OTUD7A: variants seen among roughly 807,000 people sequenced by gnomAD.
OTUD7A encodes the protein OTU deubiquitinase 7A, also known as OTU domain-containing protein 7A.
In OTUD7A, 12 loss-of-function variants were observed where a neutral mutation model predicts 65.7. The ratio of observed to expected loss-of-function variants is 0.18; its 90% confidence interval spans 0.12 to 0.30. The LOEUF is 0.30. Ranked by LOEUF, OTUD7A falls within the 10% of genes least tolerant of loss-of-function variation. OTUD7A has a pLI of 1.00. For synonymous variants in OTUD7A, 641 were observed against 586.3 expected, an observed-to-expected ratio of 1.09 and a Z score of -1.35; for missense variants, 1,148 against 1,304.8, an observed-to-expected ratio of 0.88 and a Z score of 1.85.
chr15:31,484,874 C>T lies in OTUD7A; in HGVS notation c.1372-150G>A. 4 of 1,391,748 alleles carry T rather than the reference C, an allele frequency of 2.9e-6. No homozygotes were observed. The highest frequency in any genetic ancestry group is 1.5e-5 in the South Asian group (1 of 68,098). The allele number at this position is 1,391,748 out of a possible 1,614,324, so 86.2% of individuals were successfully genotyped here. On this transcript the variant is annotated intron_variant, in intron 12 of 12. Coordinates refer to ENST00000307050, the MANE Select transcript of OTUD7A (RefSeq NM_001382637.1). This position sits in a 1 kb window ranked among gnomAD's most constrained non-coding sequence, Gnocchi z 4.5. ...CCCACTGTCGCTCTGGTGACTGTGACATCCGGATGGGCGGTGCTGAAGGAG... is the reference window on the plus strand; with the variant it reads ...CCCACTGTCGCTCTGGTGACTGTGATATCCGGATGGGCGGTGCTGAAGGAG...
At chr15:31,771,481 T>C (rs1895233506) in intron 1 of OTUD7A, among the ~76,000 whole-genome samples, 2 of 152,228 alleles carry the variant, frequency 1.3e-5, no homozygotes, top group Admixed American at 1.3e-4. Flanking sequence ...GATTCCTTTC[T>C]CTTCCTTGCA....
intron 8 of OTUD7A, among the ~76,000 whole-genome samples, chr15:31,507,222 T>C (rs886836391): frequency 6.6e-6 from 1 of 152,188 alleles, no homozygotes. Flanking sequence ...ATGTCAAATT[T>C]CTATATTATA....
At position 31,644,126 on chromosome 15, in the gene OTUD7A, G is replaced by A. The variant is rs184731555; in HGVS notation, c.151+10970C>T. Among the ~76,000 whole-genome samples the A allele has an allele frequency of 3.6e-3, 549 of 151,962 alleles. 1 individual carries two copies. Among genetic ancestry groups the A allele is most frequent in the Non-Finnish European group, 7.0e-3 (478 of 67,942 alleles). Reference sequence around the variant, plus strand: ...CCTGTATAATAAAAGGGTGGGGTGGGGGATGCCAGAGATTCATGCTCTACG... The same window carrying A: ...CCTGTATAATAAAAGGGTGGGGTGGAGGATGCCAGAGATTCATGCTCTACG... On this transcript the variant is annotated intron_variant, in intron 3 of 12. Transcript: ENST00000307050.
chr15:31,688,586 C>T (rs1280696501), intron 1 of OTUD7A, among the ~76,000 whole-genome samples: 1 of 152,084 alleles, frequency 6.6e-6, no homozygotes, highest in Admixed American at 6.6e-5. Flanking sequence ...TGGGTAGGGA[C>T]AACATATTTG....
At chr15:31,774,867 C>T (rs773672404) in intron 1 of OTUD7A, among the ~76,000 whole-genome samples, 1 of 151,212 alleles carries the variant, frequency 6.6e-6, no homozygotes, top group African/African-American at 2.4e-5. Flanking sequence ...CACAGACCAC[C>T]CAAGTGGATT....
At chr15:31,863,833 G>A (rs1479527300) in intron 1 of OTUD7A, among the ~76,000 whole-genome samples, 2 of 152,140 alleles carry the variant, frequency 1.3e-5, no homozygotes, top group African/African-American at 2.4e-5. Flanking sequence ...TCAAAAAATG[G>A]GGTTTTCTTT....
intron 1 of OTUD7A, among the ~76,000 whole-genome samples, chr15:31,779,671 C>T (rs1895484640): frequency 6.6e-6 from 1 of 152,148 alleles, no homozygotes. Flanking sequence ...CTTCTGGCTC[C>T]TAGTGCAACT....
chr15:31,839,116 T>C (rs911246450), intron 1 of OTUD7A, among the ~76,000 whole-genome samples: 1 of 151,448 alleles, frequency 6.6e-6, no homozygotes, highest in African/African-American at 2.4e-5. Flanking sequence ...AGGTGAGCCC[T>C]GGCCTCAGGG....
intron 1 of OTUD7A, among the ~76,000 whole-genome samples, chr15:31,837,552 A>T (rs1897086181): frequency 6.6e-6 from 1 of 152,194 alleles, no homozygotes; most frequent in African/African-American, 2.4e-5. Context: ...TCTCAAAAAA[A>T]AATAAATAAA....
At chr15:31,506,387 A>T (rs1287368717) in intron 8 of OTUD7A, among the ~76,000 whole-genome samples, 1 of 152,198 alleles carries the variant, frequency 6.6e-6, no homozygotes, top group Non-Finnish European at 1.5e-5. Context: ...TTACCAGAAT[A>T]ACGTGGACTT....
At chr15:31,513,784 C>G (rs1001353279) in intron 8 of OTUD7A, among the ~76,000 whole-genome samples, 1 of 152,168 alleles carries the variant, frequency 6.6e-6, no homozygotes, top group Non-Finnish European at 1.5e-5. Flanking sequence ...CCCCTGCAGA[C>G]TACTAATTTT....
intron 3 of OTUD7A, among the ~76,000 whole-genome samples, chr15:31,583,680 C>T (rs1171524892): frequency 2.0e-5 from 3 of 151,936 alleles, no homozygotes; most frequent in Middle Eastern, 3.4e-3. Flanking sequence ...GTGAGGCCTC[C>T]CCAGCCATGT....
Position 31,475,970 on chromosome 15 carries a change from G to A in OTUD7A, c.*7324C>T, listed in dbSNP as rs1043300072. On this transcript the variant is annotated 3_prime_UTR_variant, in exon 13 of 13. Coordinates refer to ENST00000307050, the MANE Select transcript of OTUD7A (RefSeq NM_001382637.1). ...ATGGAACAAAGCAAACACAGGGTGA[G>A]GATGGTCCCTTGTTATAATTAACTT... 1 of 152,240 alleles carries A rather than the reference G, an allele frequency of 6.6e-6. No individual in the cohort carries two copies. The highest frequency in any genetic ancestry group is 2.4e-5 in the African/African-American group (1 of 41,468). The allele number at this position is 152,240 out of a possible 1,614,324, so 9.4% of individuals were successfully genotyped here. A position where few individuals can be genotyped will look rare whatever the true frequency, so the allele number is the denominator to read the frequency against.
chr15:31,704,496 C>G (rs995912676), intron 1 of OTUD7A, among the ~76,000 whole-genome samples: 1 of 146,602 alleles, frequency 6.8e-6, no homozygotes, highest in African/African-American at 2.5e-5. Flanking sequence ...ATTTGAGTTA[C>G]GTAAGTTCTG....
At chr15:31,683,315 A>T (rs1481681544) in intron 1 of OTUD7A, among the ~76,000 whole-genome samples, 1 of 152,236 alleles carries the variant, frequency 6.6e-6, no homozygotes, top group Admixed American at 6.5e-5. Flanking sequence ...TAACAGTGAG[A>T]TAGGTGGATT....
At chr15:31,788,059 A>G (rs1265574500) in intron 1 of OTUD7A, among the ~76,000 whole-genome samples, 1 of 152,216 alleles carries the variant, frequency 6.6e-6, no homozygotes, top group African/African-American at 2.4e-5. Context: ...ATGGCACTCA[A>G]TAATTAATTT....
chr15:31,620,867 G>A lies in OTUD7A; in HGVS notation c.151+34229C>T, dbSNP rs7182604. 1.9e-4 allele frequency among the ~76,000 whole-genome samples: 20 copies of A among 105,894 alleles called. 1 individual carries two copies. Among genetic ancestry groups the A allele is most frequent in the Non-Finnish European group, 2.6e-4 (15 of 57,272 alleles). 69.5% of individuals were successfully genotyped at this position (105,894 alleles called of 152,430 possible). On this transcript the variant is annotated intron_variant, in intron 3 of 12. Coordinates refer to ENST00000307050, the MANE Select transcript of OTUD7A (RefSeq NM_001382637.1). ...CTTTTAACTGTGACGTTAGGGTGTCGATTTTGGATCTTTCCTGCTTTCTCT... is the reference window on the plus strand; with the variant it reads ...CTTTTAACTGTGACGTTAGGGTGTCAATTTTGGATCTTTCCTGCTTTCTCT...
intron 8 of OTUD7A, among the ~76,000 whole-genome samples, chr15:31,517,022 G>A (rs902361336): frequency 1.3e-5 from 2 of 152,198 alleles, no homozygotes; most frequent in Non-Finnish European, 2.9e-5. Flanking sequence ...GCCACAGAGC[G>A]ATGGTCAGGT....
chr15:31,616,854 T>A (rs1469775690), intron 3 of OTUD7A, among the ~76,000 whole-genome samples: 2 of 152,182 alleles, frequency 1.3e-5, no homozygotes, highest in East Asian at 3.8e-4. Flanking sequence ...AGCTTTTACA[T>A]TTTAAGTTTA....
Sources: allele counts gnomAD v4.1 joint callset (sites outside exome capture counted in the v4.1 genomes callset), GRCh38; gene constraint gnomAD v4.1.1; non-coding constraint Gnocchi (gnomAD v3.1); transcripts MANE v1.5; gene names NCBI Gene and HGNC (gene_info 2026-07-23, HGNC 2026-07-21).